The following MLIP variants were observed in gnomAD, a reference collection of about 807,000 sequenced individuals.
MLIP encodes muscular LMNA-interacting protein.
A neutral mutation model predicts 84.8 loss-of-function variants in MLIP; 79 were observed. That is an observed-to-expected ratio of 0.93 (90% CI 0.78 to 1.12). The LOEUF is 1.12. MLIP is among the 50% of genes most tolerant of loss of function. The probability of loss-of-function intolerance (pLI) is 0.00; values close to 1 mark genes in which losing one functional copy is unlikely to be tolerated. For synonymous variants in MLIP, 504 were observed against 463.0 expected, an observed-to-expected ratio of 1.09 and a Z score of -1.14; for missense variants, 1,257 against 1,160.6, an observed-to-expected ratio of 1.08 and a Z score of -1.21.
At chr6:54,118,829 A>C (rs1262196705) in intron 1 of MLIP, among the ~76,000 whole-genome samples, 6 of 152,214 alleles carry the variant, frequency 3.9e-5, no homozygotes, top group Non-Finnish European at 7.3e-5. Context: ...TAGCAAGACA[A>C]CAATCCAATT....
chr6:54,131,207 C>T (rs1431220912), intron 3 of MLIP, among the ~76,000 whole-genome samples: 7 of 152,092 alleles, frequency 4.6e-5, no homozygotes, highest in Non-Finnish European at 8.8e-5. Flanking sequence ...TATGTCTGAG[C>T]CATGTTCTTT....
intron 11 of MLIP, among the ~76,000 whole-genome samples, chr6:54,213,389 G>T (rs903843561): frequency 6.6e-5 from 10 of 152,062 alleles, no homozygotes; most frequent in East Asian, 1.9e-4. Context: ...AACACTAAAA[G>T]GTTGTAATGC....
At chr6:54,247,564 A>T (rs1782168871) in intron 12 of MLIP, among the ~76,000 whole-genome samples, 1 of 152,226 alleles carries the variant, frequency 6.6e-6, no homozygotes, top group Non-Finnish European at 1.5e-5. Flanking sequence ...GGCATTAAAC[A>T]TAAAGGAGAT....
At chr6:54,130,239 A>G (rs1771268343) in intron 3 of MLIP, among the ~76,000 whole-genome samples, 1 of 152,180 alleles carries the variant, frequency 6.6e-6, no homozygotes, top group African/African-American at 2.4e-5. Context: ...AAGGAAGAAC[A>G]TATCTGGAAA....
intron 11 of MLIP, among the ~76,000 whole-genome samples, chr6:54,212,709 A>G (rs540307747): frequency 6.6e-6 from 1 of 152,276 alleles, no homozygotes; most frequent in South Asian, 2.1e-4. Flanking sequence ...TATTGTCATT[A>G]TGTCCCTTTG....
At chr6:54,213,711 A>AG in intron 11 of MLIP, among the ~76,000 whole-genome samples, 1 of 106,086 alleles carries the variant, frequency 9.4e-6, no homozygotes, top group Non-Finnish European at 1.8e-5. Context: ...TTGTCTCAAA[A>AG]AAAAAAAAAA....
intron 12 of MLIP, among the ~76,000 whole-genome samples, chr6:54,244,074 C>T (rs1288088694): frequency 5.3e-5 from 8 of 152,130 alleles, no homozygotes; most frequent in Admixed American, 4.6e-4. Flanking sequence ...GAGGTAGCCA[C>T]ATTTATTGAA....
chr6:54,161,939 C>G (rs78495924), intron 8 of MLIP, among the ~76,000 whole-genome samples: 6,443 of 151,482 alleles, frequency 0.043, 213 homozygotes, highest in Non-Finnish European at 0.06. Context: ...TGTAAAAGAC[C>G]TGTATTATAT....
chr6:54,220,783 G>A (rs896062958), intron 11 of MLIP, among the ~76,000 whole-genome samples: 4 of 152,124 alleles, frequency 2.6e-5, no homozygotes, highest in African/African-American at 9.7e-5. Context: ...GTTCTCTAAA[G>A]TAAGTGACTT....
intron 5 of MLIP, among the ~76,000 whole-genome samples, chr6:54,150,042 C>T (rs769785314): frequency 6.6e-6 from 1 of 152,090 alleles, no homozygotes; most frequent in African/African-American, 2.4e-5. Context: ...TTTATCAAAA[C>T]GTTGTTTGCC....
chr6:54,266,180 T>C lies in MLIP; in HGVS notation c.*225T>C, dbSNP rs1783671852. ...TTACCTACAGCTTTTTGCACCACTG[T>C]TCTAGCCTTTAATGCCTTCTACTTA... On this transcript the variant is annotated 3_prime_UTR_variant, in exon 14 of 14. Transcript: ENST00000502396. 7.2e-6 allele frequency: 4 copies of C among 556,796 alleles called. No homozygotes were observed. Among genetic ancestry groups the C allele is most frequent in the Non-Finnish European group, 6.4e-6 (2 of 310,098 alleles). 34.5% of individuals were successfully genotyped at this position (556,796 alleles called of 1,614,324 possible).
rs763794642 is a variant in MLIP at position 54,124,701 on chromosome 6, C to A, written c.481C>A (p.Pro161Thr). The A allele has an allele frequency of 6.2e-7, 1 of 1,614,108 alleles. No homozygotes were observed. The highest frequency in any genetic ancestry group is 8.5e-7 in the Non-Finnish European group (1 of 1,180,002). The change falls in exon 3 of 14, where the codon CCC (proline) becomes ACC (threonine). Residue 161 changes from proline to threonine, a missense_variant. Transcript: ENST00000502396. ...EAASRKVEQG[P>T]PGGIGTAAVR... Reference sequence around the variant, plus strand: ...TGCAAGCAGAAAAGTTGAACAAGGCCCCCCAGGGGGGATTGGCACCGCAGC... The same window carrying A: ...TGCAAGCAGAAAAGTTGAACAAGGCACCCCAGGGGGGATTGGCACCGCAGC...
chr6:54,258,526 T>C (rs1298763675), intron 13 of MLIP, among the ~76,000 whole-genome samples: 1 of 152,032 alleles, frequency 6.6e-6, no homozygotes, highest in Admixed American at 6.6e-5. Context: ...ATTATGAACA[T>C]ATGGAAGACT....
chr6:54,158,811 G>A (rs76376431), intron 5 of MLIP, among the ~76,000 whole-genome samples: 3,923 of 152,060 alleles, frequency 0.026, 168 homozygotes, highest in African/African-American at 0.088. Context: ...AACTGGAGTT[G>A]CATCTCCGTT....
chr6:54,241,615 C>A (rs1781742565), intron 12 of MLIP, among the ~76,000 whole-genome samples: 1 of 151,830 alleles, frequency 6.6e-6, no homozygotes, highest in Admixed American at 6.6e-5. Context: ...TTAAAGTGCC[C>A]TTTTCATAAA....
intron 4 of MLIP, among the ~76,000 whole-genome samples, chr6:54,141,959 T>C (rs1772354692): frequency 6.6e-6 from 1 of 152,216 alleles, no homozygotes; most frequent in Non-Finnish European, 1.5e-5. Flanking sequence ...TAAAACTTTA[T>C]AACTGGTGTT....
At chr6:54,067,171 T>C (rs1168682541) in intron 1 of MLIP, among the ~76,000 whole-genome samples, 1 of 101,018 alleles carries the variant, frequency 9.9e-6, no homozygotes, top group African/African-American at 2.5e-5. Context: ...CATAGTCTCT[T>C]TTGGGGGATT....
intron 3 of MLIP, among the ~76,000 whole-genome samples, chr6:54,127,819 T>C (rs1397663751): frequency 3.3e-5 from 5 of 152,136 alleles, no homozygotes; most frequent in Non-Finnish European, 5.9e-5. Context: ...ATGTCAAAAG[T>C]AAACATGTTA....
At chr6:54,111,631 G>A (rs763640352) in intron 1 of MLIP, 56 bp downstream of exon 1, 165 of 1,512,764 alleles carry the variant, frequency 1.1e-4, no homozygotes, top group Non-Finnish European at 1.4e-4. Context: ...AGTGTACGGT[G>A]CTGGTGGTAT....
Sources: allele counts gnomAD v4.1 joint callset (sites outside exome capture counted in the v4.1 genomes callset), GRCh38; gene constraint gnomAD v4.1.1; transcripts MANE v1.5; gene names NCBI Gene and HGNC (gene_info 2026-07-23, HGNC 2026-07-21).